The following ZNF383 variants were observed in gnomAD, a reference collection of about 807,000 sequenced individuals.
ZNF383 encodes zinc finger protein 383.
ZNF383 carries 32 observed loss-of-function variants against 44.2 expected under a neutral mutation model. The observed-to-expected ratio is 0.72, with a 90% CI of 0.55 to 0.97. The LOEUF (loss-of-function observed/expected upper bound fraction) is 0.97, where lower values mean the gene tolerates loss of function less well. Ranked by LOEUF, ZNF383 falls within the 50% of genes least tolerant of loss-of-function variation. ZNF383 has a pLI of 0.00. For synonymous variants in ZNF383, 155 were observed against 186.2 expected (o/e 0.83, Z 1.36); for missense variants, 487 against 562.5 (o/e 0.87, Z 1.36).
In ZNF383 at chr19:37,243,737, T is replaced by C; in HGVS notation, c.*73T>C. ...CATGTCTAATAGTTACCCTCTTCCG[T>C]AGTTTTTTTTAAAACTTTGTATTTA... On this transcript the variant is annotated 3_prime_UTR_variant, in exon 6 of 6. Coordinates refer to ENST00000684119, the MANE Select transcript of ZNF383 (RefSeq NM_001387601.1). 1 of 1,021,882 alleles carries C rather than the reference T, an allele frequency of 9.8e-7. No individual in the cohort carries two copies. The highest frequency in any genetic ancestry group is 1.4e-6 in the Non-Finnish European group (1 of 727,898). The allele number at this position is 1,021,882 out of a possible 1,614,324, so 63.3% of individuals were successfully genotyped here. A position where few individuals can be genotyped will look rare whatever the true frequency, so the allele number is the denominator to read the frequency against.
At chr19:37,229,662 G>GTA in intron 2 of ZNF383, among the ~76,000 whole-genome samples, 1 of 141,064 alleles carries the variant, frequency 7.1e-6, no homozygotes, top group South Asian at 2.2e-4. Context: ...ATATATGTGT[G>GTA]TATATATATG....
chr19:37,242,376 A>T, intron 5 of ZNF383, 93 bp from the exon 6 acceptor site: 1 of 773,182 alleles, frequency 1.3e-6, no homozygotes, highest in Non-Finnish European at 2.0e-6. Context: ...CCTAGTAGAT[A>T]CTATTCTTAC....
At chr19:37,222,175 C>A (rs987104558) in intron 1 of ZNF383, among the ~76,000 whole-genome samples, 1 of 149,598 alleles carries the variant, frequency 6.7e-6, no homozygotes, top group Non-Finnish European at 1.5e-5. Context: ...CTTTTTTTTT[C>A]CTACTGTCAG....
rs1248989479 is a variant in ZNF383 at position 37,245,355 on chromosome 19, A to T, written c.*1691A>T. ...TTTATTTTAATTGCTAAAATTATCT[A>T]CATTTTCTCCTTGTGAGCTGTTTTG... On this transcript the variant is annotated 3_prime_UTR_variant, in exon 6 of 6. Coordinates refer to ENST00000684119, the MANE Select transcript of ZNF383 (RefSeq NM_001387601.1). The T allele has an allele frequency of 1.1e-4, 16 of 152,172 alleles. No homozygotes were observed. In the East Asian group the frequency reaches 3.1e-3, roughly 29 times the overall value. 9.4% of individuals were successfully genotyped at this position (152,172 alleles called of 1,614,324 possible). A position where few individuals can be genotyped will look rare whatever the true frequency, so the allele number is the denominator to read the frequency against.
At chr19:37,242,390 A>C in intron 5 of ZNF383, 79 bp from the exon 6 acceptor site, 1 of 924,504 alleles carries the variant, frequency 1.1e-6, no homozygotes, top group African/African-American at 1.7e-5. Flanking sequence ...TTCTTACTTT[A>C]ATTTTTCCAT....
At position 37,242,495 on chromosome 19, in the gene ZNF383, T is replaced by C; in HGVS notation, c.259T>C (p.Leu87=). Residue 87 remains leucine, a synonymous_variant, in exon 6 of 6, where the codon TTA becomes CTA. Coordinates refer to ENST00000684119, the MANE Select transcript of ZNF383 (RefSeq NM_001387601.1). Reference sequence around the variant, plus strand: ...TCTGGAATCGATGTGTGAAACCAAGTTATTATCTCTAAAGAAGGAAGTTTA... The same window carrying C: ...TCTGGAATCGATGTGTGAAACCAAGCTATTATCTCTAAAGAAGGAAGTTTA... ...SDLESMCETK[L]LSLKKEVYEI... 1 of 1,603,462 alleles carries C rather than the reference T, an allele frequency of 6.2e-7. No homozygotes were observed. The highest frequency in any genetic ancestry group is 1.1e-5 in the South Asian group (1 of 89,456).
chr19:37,239,477 A>T (rs1369161021), intron 5 of ZNF383, among the ~76,000 whole-genome samples: 2 of 152,190 alleles, frequency 1.3e-5, no homozygotes, highest in Non-Finnish European at 2.9e-5. Flanking sequence ...TAGAGAAGAA[A>T]ACTCCAGGCA....
chr19:37,222,158 T>C (rs913060115), intron 1 of ZNF383, among the ~76,000 whole-genome samples: 8 of 151,522 alleles, frequency 5.3e-5, no homozygotes, highest in African/African-American at 1.9e-4. Flanking sequence ...GGCTTCTTTT[T>C]TTTTCACTTT....
At chr19:37,233,390 C>G (rs1276530618) in intron 3 of ZNF383, among the ~76,000 whole-genome samples, 1 of 150,790 alleles carries the variant, frequency 6.6e-6, no homozygotes, top group Non-Finnish European at 1.5e-5. Flanking sequence ...CTTGGCCTCC[C>G]AAAGTTCTGG....
chr19:37,230,759 T>G (rs993571266), intron 3 of ZNF383, among the ~76,000 whole-genome samples: 2 of 152,186 alleles, frequency 1.3e-5, no homozygotes, highest in African/African-American at 4.8e-5. Flanking sequence ...AGAATAGATT[T>G]GTAAAATGAA....
intron 3 of ZNF383, among the ~76,000 whole-genome samples, chr19:37,230,933 A>T (rs1973456092): frequency 6.6e-6 from 1 of 152,174 alleles, no homozygotes; most frequent in African/African-American, 2.4e-5. Context: ...GATCTGGTTT[A>T]GGCACCTTTG....
intron 2 of ZNF383, among the ~76,000 whole-genome samples, chr19:37,226,900 C>T (rs1973192552): frequency 6.6e-6 from 1 of 152,108 alleles, no homozygotes; most frequent in Admixed American, 6.5e-5. Context: ...CTCACTGCAA[C>T]CTCCGCCTCC....
At chr19:37,229,698 G>GTA (rs36115378) in intron 2 of ZNF383, among the ~76,000 whole-genome samples, 36 of 137,458 alleles carry the variant, frequency 2.6e-4, no homozygotes, top group Non-Finnish European at 4.7e-4. Context: ...GTATATATAT[G>GTA]TATATATATA....
chr19:37,228,863 A>C (rs1973310749), intron 2 of ZNF383, among the ~76,000 whole-genome samples: 2 of 151,648 alleles, frequency 1.3e-5, no homozygotes, highest in Non-Finnish European at 2.9e-5. Context: ...ATTGTATGTA[A>C]AAAAAAATTA....
intron 3 of ZNF383, among the ~76,000 whole-genome samples, chr19:37,232,802 G>C (rs896803218): frequency 6.6e-6 from 1 of 152,180 alleles, no homozygotes. Flanking sequence ...TTGTCCAAAA[G>C]TGACCAATAA....
At chr19:37,242,445 AT>A (rs1974162487) in intron 5 of ZNF383, 23 bp from the exon 6 acceptor site, 1 of 1,460,272 alleles carries the variant, frequency 6.8e-7, no homozygotes, top group Non-Finnish European at 9.4e-7. Flanking sequence ...AAAAAAGAAC[AT>A]TTACCATTTT....
At chr19:37,232,464 A>G (rs1973545283) in intron 3 of ZNF383, among the ~76,000 whole-genome samples, 1 of 152,162 alleles carries the variant, frequency 6.6e-6, no homozygotes, top group Non-Finnish European at 1.5e-5. Context: ...TATATCTTGG[A>G]TACTCAATAA....
Position 37,243,823 on chromosome 19 carries a change from C to T in ZNF383, c.*159C>T. ...AAATTCGGAGTCTAAAGTGACATTC[C>T]CTCTCTCCCCCAGTCATATACCGAT... On this transcript the variant is annotated 3_prime_UTR_variant, in exon 6 of 6. Transcript: ENST00000684119. 1 of 521,290 alleles carries T rather than the reference C, an allele frequency of 1.9e-6. No individual in the cohort carries two copies. The highest frequency in any genetic ancestry group is 1.9e-5 in the African/African-American group (1 of 52,706). 32.3% of individuals were successfully genotyped at this position (521,290 alleles called of 1,614,324 possible).
chr19:37,221,616 C>T (rs1599778186), intron 1 of ZNF383, among the ~76,000 whole-genome samples: 1 of 151,406 alleles, frequency 6.6e-6, no homozygotes. Context: ...CTGAAAAGTA[C>T]AAAATCAAGG....
Sources: gnomAD v4.1 joint callset for allele counts (sites outside exome capture counted in the v4.1 genomes callset) on GRCh38, gnomAD v4.1.1 for gene constraint, MANE v1.5 for transcripts, NCBI Gene and HGNC (gene_info 2026-07-23, HGNC 2026-07-21) for gene names.